The following EFR3B variants were observed in gnomAD, a reference collection of about 807,000 sequenced individuals.
EFR3B encodes the protein EFR3 homolog B, also known as protein EFR3 homolog B.
A neutral mutation model predicts 104.7 loss-of-function variants in EFR3B; 64 were observed. The observed-to-expected ratio is 0.61, with a 90% confidence interval of 0.50 to 0.75. The LOEUF (loss-of-function observed/expected upper bound fraction) is 0.75. EFR3B is among the 30% of genes least tolerant of loss of function. The pLI is 0.00. For synonymous variants in EFR3B, 385 were observed against 417.9 expected (o/e 0.92, Z 0.96); for missense variants, 750 against 1,078.5 (o/e 0.70, Z 4.27).
At chr2:25,098,425 C>T (rs1669341309) in intron 3 of EFR3B, among the ~76,000 whole-genome samples, 1 of 152,178 alleles carries the variant, frequency 6.6e-6, no homozygotes, top group Non-Finnish European at 1.5e-5. Flanking sequence ...TTCAGATTCT[C>T]AGACCTGTTA....
rs1220245748 is a variant in EFR3B, at chr2:25,042,378, G to A, written c.7+59G>A. ...CGGGGGCGACTCCGCAAACTTCCCCGGCGCGGACCATTGTCCCCCTGCACG... is the reference window on the plus strand; with the variant it reads ...CGGGGGCGACTCCGCAAACTTCCCCAGCGCGGACCATTGTCCCCCTGCACG... On this transcript the variant is annotated intron_variant, in intron 1 of 22. Coordinates refer to ENST00000403714, the MANE Select transcript of EFR3B (RefSeq NM_014971.2). The surrounding 1 kb of genome is among the most constrained non-coding windows in gnomAD (Gnocchi z 5.4). 9 of 1,235,228 alleles carry A rather than the reference G, an allele frequency of 7.3e-6. No homozygotes were observed. In the African/African-American group the frequency reaches 1.3e-4, roughly 17 times the overall value. 76.5% of individuals were successfully genotyped at this position (1,235,228 alleles called of 1,614,324 possible).
intron 6 of EFR3B, among the ~76,000 whole-genome samples, chr2:25,129,297 A>C (rs957553350): frequency 7.8e-6 from 1 of 128,630 alleles, no homozygotes; most frequent in African/African-American, 2.9e-5. Context: ...ATCCCAGGCT[A>C]CTAGAGCTAG....
intron 1 of EFR3B, among the ~76,000 whole-genome samples, chr2:25,068,740 C>T (rs572491064): frequency 8.0e-5 from 12 of 150,534 alleles, no homozygotes; most frequent in East Asian, 7.8e-4. Flanking sequence ...TGCCATTCTT[C>T]TGCCTTAGCC....
chr2:25,080,058 C>G, intron 1 of EFR3B: 1 of 882,408 alleles, frequency 1.1e-6, no homozygotes, highest in Non-Finnish European at 1.9e-6. Context: ...ATCATCAACT[C>G]GTGTACCTTG....
At chr2:25,062,407 T>C (rs1558585891) in intron 1 of EFR3B, among the ~76,000 whole-genome samples, 1 of 152,206 alleles carries the variant, frequency 6.6e-6, no homozygotes, top group African/African-American at 2.4e-5. Context: ...TACTGAATGC[T>C]TAAATGTGTG....
intron 1 of EFR3B, among the ~76,000 whole-genome samples, chr2:25,048,532 T>C (rs1354633458): frequency 6.6e-6 from 1 of 152,222 alleles, no homozygotes; most frequent in Non-Finnish European, 1.5e-5. Context: ...TCGGAATTTT[T>C]CCCTAGACTG....
rs1462183382 is a variant in EFR3B at position 25,149,720 on chromosome 2, T to C, written c.2169T>C (p.Tyr723=). ...EERVPAEEIT[Y]ETLKKAIVDS... is the part of the protein sequence containing the mutation. ...GAGTGCCTGCCGAGGAGATCACCTA[T>C]GAGACACTGAAGAAAGCCATTGGTA... The change falls in exon 20 of 23, where the codon TAT becomes TAC. Residue 723 remains tyrosine, a synonymous_variant. Transcript: ENST00000403714. 2 of 1,551,446 alleles carry C rather than the reference T, an allele frequency of 1.3e-6. No homozygotes were observed. Among genetic ancestry groups the C allele is most frequent in the East Asian group, 2.4e-5 (1 of 40,922 alleles).
Position 25,140,509 on chromosome 2 carries a change from C to T in EFR3B, c.1855-857C>T, listed in dbSNP as rs369417378. ...AAAGGCAATGCCCAGACATCCTCTG[C>T]CTGACAATTGTGGGACCTTTACCTC... On this transcript the variant is annotated intron_variant, in intron 16 of 22. Transcript: ENST00000403714. Among the ~76,000 whole-genome samples, 96 of 152,220 alleles carry T rather than the reference C, an allele frequency of 6.3e-4. 1 individual carries two copies. In the South Asian group the frequency reaches 0.019, roughly 30 times the overall value.
Position 25,130,655 on chromosome 2 carries a change from C to G in EFR3B, c.849+25C>G. Reference sequence around the variant, plus strand: ...GGTATGGTGGCTCCCCTGGGCCAGCCGGATCCCAGGACAAAGGCCTCTCTA... The same window carrying G: ...GGTATGGTGGCTCCCCTGGGCCAGCGGGATCCCAGGACAAAGGCCTCTCTA... On this transcript the variant is annotated intron_variant, in intron 8 of 22. Coordinates refer to ENST00000403714, the MANE Select transcript of EFR3B (RefSeq NM_014971.2). The surrounding 1 kb of genome is among the most constrained non-coding windows in gnomAD (Gnocchi z 4.6). 6.5e-7 allele frequency: 1 copy of G among 1,541,220 alleles called. No individual in the cohort carries two copies. Among genetic ancestry groups the G allele is most frequent in the Non-Finnish European group, 8.8e-7 (1 of 1,137,656 alleles).
At chr2:25,100,976 G>A (rs948927164) in intron 3 of EFR3B, among the ~76,000 whole-genome samples, 3 of 152,194 alleles carry the variant, frequency 2.0e-5, no homozygotes, top group Admixed American at 1.3e-4. Context: ...TTTCCAATGA[G>A]GTCAGTCACT....
chr2:25,046,504 G>GTTTTTTTTTTTTTTTTTT (rs1667720406), intron 1 of EFR3B, among the ~76,000 whole-genome samples: 1 of 90,996 alleles, frequency 1.1e-5, no homozygotes, highest in Non-Finnish European at 2.3e-5. Context: ...GAAGTACAAA[G>GTTTTTTTTTTTTTTTTTT]TCTTTTTTTT....
At chr2:25,140,065 C>A (rs559817877) in intron 16 of EFR3B, among the ~76,000 whole-genome samples, 85 of 152,334 alleles carry the variant, frequency 5.6e-4, no homozygotes, top group African/African-American at 2.0e-3. Context: ...GTAATCCCAG[C>A]ACTTTGGGAG....
At chr2:25,084,458 C>T (rs962319077) in intron 1 of EFR3B, among the ~76,000 whole-genome samples, 4 of 152,068 alleles carry the variant, frequency 2.6e-5, no homozygotes, top group Admixed American at 6.6e-5. Context: ...AGGCTGGTCT[C>T]GAACTCCTGA....
intron 1 of EFR3B, among the ~76,000 whole-genome samples, chr2:25,070,445 A>G (rs916005229): frequency 2.0e-5 from 3 of 152,106 alleles, no homozygotes; most frequent in African/African-American, 7.2e-5. Context: ...CATTTTTAGT[A>G]GAGATGGGGG....
intron 1 of EFR3B, among the ~76,000 whole-genome samples, chr2:25,090,705 T>C (rs1669088004): frequency 6.6e-6 from 1 of 152,198 alleles, no homozygotes; most frequent in Non-Finnish European, 1.5e-5. Context: ...ATGTGAATCG[T>C]TGATGATGAT....
chr2:25,087,061 A>G (rs1181090521), intron 1 of EFR3B, among the ~76,000 whole-genome samples: 1 of 152,198 alleles, frequency 6.6e-6, no homozygotes, highest in Non-Finnish European at 1.5e-5. Flanking sequence ...ACTTACAATT[A>G]CGGCAGAAGG....
At chr2:25,127,999 G>A (rs1670213210) in intron 5 of EFR3B, among the ~76,000 whole-genome samples, 184 bp from the exon 6 acceptor site, 2 of 152,132 alleles carry the variant, frequency 1.3e-5, no homozygotes, top group Non-Finnish European at 2.9e-5. Flanking sequence ...AAAAAGACAT[G>A]GCTTCCTGGG....
In EFR3B at chr2:25,093,122, T is replaced by G; in HGVS notation, c.204T>G (p.His68Gln). Residue 68 changes from histidine (H) to glutamine (Q), a missense_variant, in exon 3 of 23, where the codon CAT (histidine) becomes CAG (glutamine). Transcript: ENST00000403714. ...SERLIRDVGR[H>Q]RYGYVCIAME... The stretch of plus-strand genomic sequence containing the variant: ...GGCTCATCCGTGACGTGGGTCGCCA[T>G]CGATATGGGTAAGTAGTTTGGAAGA... 6.4e-7 allele frequency: 1 copy of G among 1,551,788 alleles called. No homozygotes were observed. The highest frequency in any genetic ancestry group is 8.7e-7 in the Non-Finnish European group (1 of 1,147,070).
chr2:25,069,731 C>CT (rs1668441178), intron 1 of EFR3B, among the ~76,000 whole-genome samples: 1 of 152,214 alleles, frequency 6.6e-6, no homozygotes, highest in Non-Finnish European at 1.5e-5. Context: ...GAGTCTTGCT[C>CT]TGTTGCCCAG....
Sources: gnomAD v4.1 joint callset for allele counts (sites outside exome capture counted in the v4.1 genomes callset) on GRCh38, gnomAD v4.1.1 for gene constraint, Gnocchi (gnomAD v3.1) non-coding constraint, MANE v1.5 for transcripts, NCBI Gene and HGNC (gene_info 2026-07-23, HGNC 2026-07-21) for gene names.